Variants in PLCZ1 observed in about 807,000 individuals in gnomAD.
PLCZ1 encodes phospholipase C zeta 1.
PLCZ1 carries 64 observed loss-of-function variants against 76.8 expected under a neutral mutation model. The ratio of observed to expected loss-of-function variants is 0.83; its 90% CI spans 0.68 to 1.03. The LOEUF is 1.03. Among genes scored for constraint, PLCZ1 ranks in the 50% least tolerant of loss-of-function variants. The probability of loss-of-function intolerance (pLI) is 0.00; values close to 1 mark genes in which losing one functional copy is unlikely to be tolerated. For missense variants in PLCZ1, 751 were observed against 713.7 expected (o/e 1.05, Z -0.60); for synonymous variants, 248 against 230.8 (o/e 1.07, Z -0.68).
intron 12 of PLCZ1, chr12:18,693,631 T>A (rs1954486647): frequency 6.4e-7 from 1 of 1,567,020 alleles, no homozygotes; most frequent in Non-Finnish European, 8.8e-7. Context: ...TGTTTATTGA[T>A]GAAATTGACG....
At chr12:18,700,486 C>T (rs989326045) in intron 9 of PLCZ1, among the ~76,000 whole-genome samples, 6 of 117,738 alleles carry the variant, frequency 5.1e-5, no homozygotes, top group African/African-American at 1.7e-4. Context: ...CTGGGATGTG[C>T]GCATAACCAG....
rs373717680 is a variant in PLCZ1 at position 18,705,214 on chromosome 12, C to T, written c.816G>A (p.Leu272=). 6 of 1,613,998 alleles carry T rather than the reference C, an allele frequency of 3.7e-6. No homozygotes were observed. Among genetic ancestry groups the T allele is most frequent in the Non-Finnish European group, 5.1e-6 (6 of 1,179,978 alleles). The change falls in exon 7 of 15, where the codon TTG becomes TTA. Residue 272 remains leucine, a synonymous_variant. Coordinates refer to ENST00000266505, the MANE Select transcript of PLCZ1 (RefSeq NM_033123.4). The part of the protein sequence containing the change: ...DNLQATFGES[L]LSDMLDDFPD... ...GAAAATCATCAAGCATATCAGAAAG[C>T]AAGGACTCTCCAAAAGTAGCCTGCA...
At chr12:18,726,938 G>A (rs962861780) in intron 3 of PLCZ1, among the ~76,000 whole-genome samples, 1 of 151,972 alleles carries the variant, frequency 6.6e-6, no homozygotes, top group South Asian at 2.1e-4. Context: ...CCAAATATAT[G>A]AGTCAGATAC....
At chr12:18,686,669 G>A (rs1330621521) in intron 13 of PLCZ1, among the ~76,000 whole-genome samples, 1 of 151,838 alleles carries the variant, frequency 6.6e-6, no homozygotes, top group Non-Finnish European at 1.5e-5. Context: ...ACAAATCTTT[G>A]TACTCTTCTT....
chr12:18,709,316 G>T (rs569402072), intron 6 of PLCZ1, among the ~76,000 whole-genome samples: 7 of 152,100 alleles, frequency 4.6e-5, no homozygotes, highest in Admixed American at 1.3e-4. Context: ...ACAAAAATTA[G>T]GTTGACCATA....
At chr12:18,653,289 A>G in the PLCZ1 span, among the ~76,000 whole-genome samples, 5 of 152,160 alleles carry the variant, frequency 3.3e-5, no homozygotes, top group Non-Finnish European at 7.4e-5. Context: ...TGAAGATTTG[A>G]TATTACATAG....
At chr12:18,663,665 A>T in the PLCZ1 span, among the ~76,000 whole-genome samples, 1 of 152,052 alleles carries the variant, frequency 6.6e-6, no homozygotes, top group Non-Finnish European at 1.5e-5. Flanking sequence ...CATAGGACAA[A>T]AGCTTTATGA....
chr12:18,667,540 T>G, the PLCZ1 span, among the ~76,000 whole-genome samples: 1 of 152,172 alleles, frequency 6.6e-6, no homozygotes, highest in African/African-American at 2.4e-5. Context: ...AAAACATATT[T>G]AAGACTTTTT....
intron 3 of PLCZ1, among the ~76,000 whole-genome samples, chr12:18,731,463 T>A (rs1010560708): frequency 1.3e-5 from 2 of 150,836 alleles, no homozygotes; most frequent in Non-Finnish European, 3.0e-5. Context: ...CTTTAAAAAC[T>A]GGGGCTTGGG....
the PLCZ1 span, among the ~76,000 whole-genome samples, chr12:18,650,664 A>ATATGTGTGTGTG: frequency 1.7e-4 from 6 of 35,592 alleles, no homozygotes; most frequent in Admixed American, 3.7e-4. Flanking sequence ...TGGAATATAA[A>ATATGTGTGTGTG]TGTGTGTGTG....
chr12:18,698,138 C>T (rs1365556669), intron 10 of PLCZ1, among the ~76,000 whole-genome samples: 1 of 152,060 alleles, frequency 6.6e-6, no homozygotes, highest in Non-Finnish European at 1.5e-5. Context: ...ACTCTCTTAA[C>T]CACACCTTAC....
chr12:18,661,821 G>A, the PLCZ1 span, among the ~76,000 whole-genome samples: 267 of 151,996 alleles, frequency 1.8e-3, 1 homozygote, highest in African/African-American at 5.9e-3. Flanking sequence ...TTGTTCTACC[G>A]TTGTAGAAAT....
chr12:18,684,952 G>T (rs781186849), intron 13 of PLCZ1, among the ~76,000 whole-genome samples: 3 of 151,878 alleles, frequency 2.0e-5, no homozygotes, highest in Admixed American at 6.6e-5. Context: ...ACATGAAAAG[G>T]TCCAAATTTG....
At chr12:18,698,295 C>T (rs11044256) in intron 10 of PLCZ1, among the ~76,000 whole-genome samples, 2,660 of 152,050 alleles carry the variant, frequency 0.017, 94 homozygotes, top group African/African-American at 0.062. Flanking sequence ...CTACTCCATT[C>T]CATTCCATTC....
chr12:18,725,308 G>A (rs2150733228), intron 3 of PLCZ1, among the ~76,000 whole-genome samples: 1 of 152,182 alleles, frequency 6.6e-6, no homozygotes, highest in Admixed American at 6.5e-5. Flanking sequence ...AAAGCAATAA[G>A]AAAGAAGGTG....
At chr12:18,653,778 G>A in the PLCZ1 span, among the ~76,000 whole-genome samples, 1 of 152,058 alleles carries the variant, frequency 6.6e-6, no homozygotes, top group African/African-American at 2.4e-5. Context: ...TGCAATTATA[G>A]GAGGGAAGTG....
chr12:18,734,123 T>G (rs1196136823), intron 3 of PLCZ1, among the ~76,000 whole-genome samples: 1 of 152,326 alleles, frequency 6.6e-6, no homozygotes, highest in East Asian at 1.9e-4. Context: ...TTTTAAAGTT[T>G]ATTTCATCAG....
intron 4 of PLCZ1, among the ~76,000 whole-genome samples, chr12:18,721,665 G>C (rs1189275271): frequency 6.6e-6 from 1 of 150,650 alleles, no homozygotes; most frequent in Non-Finnish European, 1.5e-5. Context: ...TAAAGAGCTT[G>C]AGCCAGAACA....
downstream of PLCZ1, among the ~76,000 whole-genome samples, chr12:18,680,212 C>G (rs1233626553): frequency 1.3e-5 from 2 of 152,024 alleles, no homozygotes; most frequent in African/African-American, 4.8e-5. Context: ...ATCCCATAAG[C>G]ATTTCACTCA....
Sources: allele counts gnomAD v4.1 joint callset (sites outside exome capture counted in the v4.1 genomes callset), GRCh38; gene constraint gnomAD v4.1.1; transcripts MANE v1.5; gene names NCBI Gene and HGNC (gene_info 2026-07-23, HGNC 2026-07-21).